Variants in GALK2 observed in about 807,000 individuals in gnomAD.
GALK2 encodes the protein galactokinase 2.
A neutral mutation model predicts 52.4 loss-of-function variants in GALK2; 36 were observed. That is an observed-to-expected ratio of 0.69 (90% CI 0.53 to 0.91). The LOEUF (loss-of-function observed/expected upper bound fraction) is 0.91, where lower values mean the gene tolerates loss of function less well. Ranked by LOEUF, GALK2 falls within the 40% of genes least tolerant of loss-of-function variation. The pLI is 0.00. For missense variants in GALK2, 579 were observed against 559.1 expected (o/e 1.04, Z -0.36); for synonymous variants, 176 against 199.1 (o/e 0.88, Z 0.98).
intron 5 of GALK2, among the ~76,000 whole-genome samples, chr15:49,270,733 T>C (rs7167555): frequency 1.3e-5 from 2 of 152,112 alleles, no homozygotes; most frequent in Admixed American, 6.5e-5. Flanking sequence ...TGACTCGGAT[T>C]ATGATTCATA....
At chr15:49,309,786 A>G (rs1001655175) in intron 8 of GALK2, among the ~76,000 whole-genome samples, 1 of 151,760 alleles carries the variant, frequency 6.6e-6, no homozygotes, top group African/African-American at 2.4e-5. Context: ...ACGCCCGGCT[A>G]ATTTTGTATT....
intron 3 of GALK2, among the ~76,000 whole-genome samples, chr15:49,230,683 A>G (rs1340766453): frequency 6.6e-6 from 1 of 152,186 alleles, no homozygotes; most frequent in Non-Finnish European, 1.5e-5. Flanking sequence ...GTGTCTTATA[A>G]TGGTCTACCT....
At chr15:49,185,287 T>C (rs1044335581) in intron 1 of GALK2, among the ~76,000 whole-genome samples, 1 of 152,196 alleles carries the variant, frequency 6.6e-6, no homozygotes, top group Non-Finnish European at 1.5e-5. Context: ...ACTGCAACCA[T>C]TTTACTGCAA....
chr15:49,329,373 G>T lies in GALK2; in HGVS notation c.*1214G>T. ...AAAAGTATTTTGCTGAAATACTCAGGTAATTGAGATAGCAATGGTTTTATG... is the reference window on the plus strand; with the variant it reads ...AAAAGTATTTTGCTGAAATACTCAGTTAATTGAGATAGCAATGGTTTTATG... On this transcript the variant is annotated 3_prime_UTR_variant, in exon 10 of 10. Coordinates refer to ENST00000560031, the MANE Select transcript of GALK2 (RefSeq NM_002044.4). 1 of 985,046 alleles carries T rather than the reference G, an allele frequency of 1.0e-6. No individual in the cohort carries two copies. The highest frequency in any genetic ancestry group is 1.2e-6 in the Non-Finnish European group (1 of 829,660). The allele number at this position is 985,046 out of a possible 1,614,324, so 61.0% of individuals were successfully genotyped here.
chr15:49,261,477 T>C (rs149614025), intron 5 of GALK2, among the ~76,000 whole-genome samples: 9,070 of 151,976 alleles, frequency 0.06, 534 homozygotes, highest in African/African-American at 0.15. Flanking sequence ...GCTGAGACAA[T>C]GGGGTTTTCC....
At chr15:49,354,227 T>A (rs2042691241) in intron 3 of GALK2, among the ~76,000 whole-genome samples, 2 of 151,818 alleles carry the variant, frequency 1.3e-5, no homozygotes, top group Admixed American at 1.3e-4. Flanking sequence ...TTAAAAAGTC[T>A]GTGTATGGGG....
exon 1 of GALK2, chr15:49,155,850 T>TC: frequency 1.1e-6 from 1 of 901,454 alleles, no homozygotes; most frequent in Admixed American, 2.3e-5. Context: ...CCGAAGGGCG[T>TC]CGGAAACTGC....
chr15:49,203,420 G>A (rs973081769), intron 2 of GALK2, among the ~76,000 whole-genome samples: 1 of 152,004 alleles, frequency 6.6e-6, no homozygotes, highest in African/African-American at 2.4e-5. Flanking sequence ...ATATTCTGGA[G>A]ATTAATTCCT....
intron 1 of GALK2, among the ~76,000 whole-genome samples, chr15:49,186,195 C>A (rs2141242056): frequency 6.6e-6 from 1 of 152,258 alleles, no homozygotes; most frequent in South Asian, 2.1e-4. Context: ...AATAAACGTC[C>A]TATCCCAGTC....
intron 5 of GALK2, among the ~76,000 whole-genome samples, chr15:49,246,954 T>C (rs1427912556): frequency 1.3e-5 from 2 of 152,190 alleles, no homozygotes; most frequent in African/African-American, 4.8e-5. Flanking sequence ...AGTTTCCATA[T>C]TGGCAGAAGT....
chr15:49,316,089 T>C (rs965512932), intron 8 of GALK2, among the ~76,000 whole-genome samples: 7 of 152,166 alleles, frequency 4.6e-5, no homozygotes, highest in Admixed American at 4.6e-4. Flanking sequence ...CAAAAATCAC[T>C]AAACTACTAA....
chr15:49,166,267 T>C (rs976503735), upstream of GALK2, among the ~76,000 whole-genome samples: 2 of 152,126 alleles, frequency 1.3e-5, no homozygotes, highest in African/African-American at 4.8e-5. Flanking sequence ...TTTTGCTTTG[T>C]TTTTCACTCT....
intron 5 of GALK2, among the ~76,000 whole-genome samples, chr15:49,271,314 TCTC>T (rs2030565410): frequency 6.6e-6 from 1 of 152,102 alleles, no homozygotes; most frequent in Non-Finnish European, 1.5e-5. Flanking sequence ...TCTCCCCTCT[TCTC>T]CTCTTCCCAG....
At chr15:49,210,957 T>TCACACACACA (rs764698505) in intron 2 of GALK2, among the ~76,000 whole-genome samples, 1,771 of 112,710 alleles carry the variant, frequency 0.016, 25 homozygotes, top group Non-Finnish European at 0.023. Flanking sequence ...ATGTTGGCTG[T>TCACACACACA]CACACACACA....
chr15:49,334,418 C>T (rs2039340575), downstream of GALK2: 3 of 161,122 alleles, frequency 1.9e-5, no homozygotes, highest in Admixed American at 6.5e-5. Flanking sequence ...AATTCATTCC[C>T]TCCCTATGCA....
chr15:49,316,407 T>C (rs1482020868), intron 8 of GALK2, among the ~76,000 whole-genome samples: 1 of 150,692 alleles, frequency 6.6e-6, no homozygotes, highest in Non-Finnish European at 1.5e-5. Context: ...TAGCTGGGAA[T>C]TGAACAATGA....
intron 5 of GALK2, among the ~76,000 whole-genome samples, chr15:49,259,099 A>G (rs1266152917): frequency 6.6e-6 from 1 of 151,706 alleles, no homozygotes; most frequent in Non-Finnish European, 1.5e-5. Context: ...GTATACATAT[A>G]TATATATGTA....
At chr15:49,252,528 ATACT>A (rs1365317747) in intron 5 of GALK2, among the ~76,000 whole-genome samples, 3 of 152,172 alleles carry the variant, frequency 2.0e-5, no homozygotes, top group Non-Finnish European at 4.4e-5. Context: ...ATCAGTTTTA[ATACT>A]TAATAATATT....
intron 8 of GALK2, among the ~76,000 whole-genome samples, chr15:49,302,490 G>T (rs2035198029): frequency 6.6e-6 from 1 of 152,138 alleles, no homozygotes; most frequent in Non-Finnish European, 1.5e-5. Context: ...TAATAAAAAT[G>T]CAGTTCTCAT....
Sources: allele counts gnomAD v4.1 joint callset (sites outside exome capture counted in the v4.1 genomes callset), GRCh38; gene constraint gnomAD v4.1.1; transcripts MANE v1.5; gene names NCBI Gene and HGNC (gene_info 2026-07-23, HGNC 2026-07-21).